Variants in HCRTR2 observed in about 807,000 individuals in gnomAD.
HCRTR2 encodes orexin receptor type 2.
Under a neutral mutation model 49.0 loss-of-function variants are expected in HCRTR2, and 22 were observed. The ratio of observed to expected loss-of-function variants is 0.45; its 90% CI spans 0.32 to 0.64. The LOEUF (loss-of-function observed/expected upper bound fraction) is 0.64, where lower values mean the gene tolerates loss of function less well. Among genes scored for constraint, HCRTR2 ranks in the 30% least tolerant of loss-of-function variants. The pLI is 0.04. For missense variants in HCRTR2, 491 were observed against 559.4 expected (o/e 0.88, Z 1.23); for synonymous variants, 236 against 205.3 (o/e 1.15, Z -1.28).
At chr6:55,163,938 AC>A (rs1442752449) in intron 1 of HCRTR2, among the ~76,000 whole-genome samples, 1 of 152,162 alleles carries the variant, frequency 6.6e-6, no homozygotes, top group Middle Eastern at 3.2e-3. Context: ...CAAGAAAAAA[AC>A]AACCCCATCA....
At chr6:55,167,244 C>T (rs1055729315) in intron 1 of HCRTR2, among the ~76,000 whole-genome samples, 2 of 152,166 alleles carry the variant, frequency 1.3e-5, no homozygotes, top group Admixed American at 6.5e-5. Flanking sequence ...CACAGTGCTA[C>T]TCAATGCAGT....
intron 1 of HCRTR2, among the ~76,000 whole-genome samples, chr6:55,233,646 G>T (rs1193453386): frequency 1.3e-5 from 2 of 152,076 alleles, no homozygotes; most frequent in Non-Finnish European, 2.9e-5. Context: ...AATGAGGGAG[G>T]ATCGTGCCAC....
At chr6:55,116,237 A>C (rs113206909) in intron 1 of HCRTR2, among the ~76,000 whole-genome samples, 2 of 151,744 alleles carry the variant, frequency 1.3e-5, no homozygotes, top group African/African-American at 4.8e-5. Context: ...AAACAGATAG[A>C]CTGTATCACA....
At chr6:55,215,651 T>C (rs1032567025) in intron 1 of HCRTR2, among the ~76,000 whole-genome samples, 1 of 152,188 alleles carries the variant, frequency 6.6e-6, no homozygotes, top group Non-Finnish European at 1.5e-5. Flanking sequence ...TGTAAAAATA[T>C]GTAATTTGTG....
chr6:55,187,905 T>A (rs1164611507), intron 1 of HCRTR2, among the ~76,000 whole-genome samples: 1 of 151,844 alleles, frequency 6.6e-6, no homozygotes, highest in East Asian at 1.9e-4. Context: ...GCCTCCCGAG[T>A]AGCTGGGACT....
At position 55,142,467 on chromosome 6, in the gene HCRTR2, A is replaced by G. The variant is rs754889657; in HGVS notation, c.-377-31744A>G. 4.4e-4 allele frequency among the ~76,000 whole-genome samples: 66 copies of G among 151,370 alleles called. 1 individual carries two copies. Among genetic ancestry groups the G allele is most frequent in the Non-Finnish European group, 7.4e-5 (5 of 67,876 alleles). The stretch of plus-strand genomic sequence containing the variant: ...TCGTGATCCACCCGCTTCGGCCTCT[A>G]AAGTGCTGGGATTACAGGCATGAGC... On this transcript the variant is annotated intron_variant, in intron 1 of 7. Coordinates refer to the HCRTR2 transcript ENST00000615358.
chr6:55,253,602 C>A (rs920419462), intron 2 of HCRTR2, among the ~76,000 whole-genome samples: 15 of 152,068 alleles, frequency 9.9e-5, no homozygotes, highest in African/African-American at 3.4e-4. Context: ...GCACTATTCA[C>A]AATAACAAAA....
downstream of HCRTR2, among the ~76,000 whole-genome samples, chr6:55,282,784 T>C (rs574971110): frequency 2.2e-4 from 34 of 152,244 alleles, no homozygotes; most frequent in South Asian, 4.8e-3. Context: ...CACATTCAGA[T>C]TGGTTCCTAA....
intron 1 of HCRTR2, among the ~76,000 whole-genome samples, chr6:55,216,018 CA>C (rs1383784070): frequency 1.3e-5 from 2 of 152,028 alleles, no homozygotes; most frequent in Non-Finnish European, 2.9e-5. Context: ...CATCACATGA[CA>C]AAAAAGCAAC....
intron 1 of HCRTR2, among the ~76,000 whole-genome samples, chr6:55,217,687 T>A (rs551549123): frequency 6.6e-6 from 1 of 152,296 alleles, no homozygotes; most frequent in East Asian, 1.9e-4. Context: ...TTGGCCATAA[T>A]CACTTAAATA....
At chr6:55,227,664 T>A (rs1351493125) in intron 1 of HCRTR2, among the ~76,000 whole-genome samples, 3 of 152,204 alleles carry the variant, frequency 2.0e-5, no homozygotes, top group African/African-American at 4.8e-5. Flanking sequence ...AGCTACTATA[T>A]GATATGCATC....
chr6:55,242,387 GAA>G (rs71771116), intron 1 of HCRTR2, among the ~76,000 whole-genome samples: 1 of 151,070 alleles, frequency 6.6e-6, no homozygotes, highest in Non-Finnish European at 1.5e-5. Flanking sequence ...GCCCCTGGGG[GAA>G]AAAAAAATCT....
intron 1 of HCRTR2, among the ~76,000 whole-genome samples, chr6:55,129,139 C>T (rs1043741258): frequency 6.6e-6 from 1 of 152,134 alleles, no homozygotes; most frequent in Non-Finnish European, 1.5e-5. Context: ...GCTAATTATG[C>T]AATTTAATCA....
chr6:55,113,014 A>T (rs1480188780), intron 1 of HCRTR2, among the ~76,000 whole-genome samples: 1 of 152,038 alleles, frequency 6.6e-6, no homozygotes, highest in East Asian at 1.9e-4. Context: ...AGCAAACAAA[A>T]ACATAAAATG....
At chr6:55,137,889 T>C (rs530515909) in intron 1 of HCRTR2, among the ~76,000 whole-genome samples, 2 of 152,332 alleles carry the variant, frequency 1.3e-5, no homozygotes, top group South Asian at 4.1e-4. Context: ...TTAAAAAGAC[T>C]AAATTTCATG....
chr6:55,155,188 A>G (rs893150617), intron 1 of HCRTR2, among the ~76,000 whole-genome samples: 8 of 148,020 alleles, frequency 5.4e-5, no homozygotes, highest in Non-Finnish European at 1.5e-5. Context: ...CTATCAAAAT[A>G]CCAATATTTT....
intron 1 of HCRTR2, among the ~76,000 whole-genome samples, chr6:55,147,774 T>C (rs1182881382): frequency 6.6e-6 from 1 of 152,218 alleles, no homozygotes; most frequent in East Asian, 1.9e-4. Context: ...GAGTTGATTG[T>C]ATCTTACATG....
At chr6:55,208,897 T>A (rs928476026) in intron 1 of HCRTR2, among the ~76,000 whole-genome samples, 2 of 152,218 alleles carry the variant, frequency 1.3e-5, no homozygotes, top group Non-Finnish European at 2.9e-5. Context: ...TATTTGGGCC[T>A]TAAGTCAAGG....
chr6:55,155,210 A>G (rs1764715197), intron 1 of HCRTR2, among the ~76,000 whole-genome samples: 1 of 151,774 alleles, frequency 6.6e-6, no homozygotes, highest in Non-Finnish European at 1.5e-5. Flanking sequence ...TTTTTTACAG[A>G]AATGAAAACA....
Sources: allele counts gnomAD v4.1 joint callset (sites outside exome capture counted in the v4.1 genomes callset), GRCh38; gene constraint gnomAD v4.1.1; transcripts MANE v1.5; gene names NCBI Gene and HGNC (gene_info 2026-07-23, HGNC 2026-07-21).